The following NBDY variants were observed in gnomAD, a reference collection of about 807,000 sequenced individuals.
The protein encoded by NBDY is negative regulator of P-body association.
At chrX:56,742,257 G>T (rs1185284910) in intron 2 of NBDY, among the ~76,000 whole-genome samples, 2 of 111,575 alleles carry the variant, frequency 1.8e-5, no homozygotes, top group African/African-American at 6.5e-5. Flanking sequence ...TTGAAGTCAG[G>T]TAATATGATT....
intron 2 of NBDY, among the ~76,000 whole-genome samples, chrX:56,754,935 C>T (rs1042528508): frequency 1.8e-5 from 2 of 111,341 alleles, no homozygotes; most frequent in African/African-American, 3.3e-5. Flanking sequence ...ATTGACAAAA[C>T]GTTACCAAAT....
At position 56,754,632 on chromosome X, in the gene NBDY, G is replaced by A. The variant is rs181842643; in HGVS notation, c.*166+22433G>A. Reference sequence around the variant, plus strand: ...AAAGAAGAAATCTTAAGGGAAATTAGACAAAATTGTGAAATAAATGAAAAT... The same window carrying A: ...AAAGAAGAAATCTTAAGGGAAATTAAACAAAATTGTGAAATAAATGAAAAT... On this transcript the variant is annotated intron_variant, in intron 2 of 2. Transcript: ENST00000374922. Among the ~76,000 whole-genome samples, 5 of 111,964 alleles carry A rather than the reference G, an allele frequency of 4.5e-5. No homozygotes were observed. In the Admixed American group the frequency reaches 4.7e-4, roughly 11 times the overall value.
At chrX:56,743,966 C>G (rs908934625) in intron 2 of NBDY, among the ~76,000 whole-genome samples, 10 of 110,214 alleles carry the variant, frequency 9.1e-5, no homozygotes, top group Non-Finnish European at 1.7e-4. Context: ...AAACTTCCCT[C>G]TTAGTACTGC....
At chrX:56,752,506 T>C (rs951556225) in intron 2 of NBDY, among the ~76,000 whole-genome samples, 11 of 111,867 alleles carry the variant, frequency 9.8e-5, no homozygotes, top group Admixed American at 6.6e-4. Flanking sequence ...CTTAGAACTC[T>C]GCTGCACCCT....
At chrX:56,796,670 C>A (rs765128202) in intron 2 of NBDY, among the ~76,000 whole-genome samples, 22 of 111,269 alleles carry the variant, frequency 2.0e-4, no homozygotes, top group African/African-American at 6.5e-4. Flanking sequence ...ATCTTCCTCT[C>A]TTTTTGGGGG....
At chrX:56,784,024 C>T (rs1275778037) in intron 2 of NBDY, among the ~76,000 whole-genome samples, 1 of 111,464 alleles carries the variant, frequency 9.0e-6, no homozygotes, top group East Asian at 2.8e-4. Context: ...ATCCTCAATA[C>T]ATCCCACCCT....
At position 56,818,528 on chromosome X, in the gene NBDY, T is replaced by C. The variant is rs1008978378; in HGVS notation, c.*1375T>C. 3.6e-5 allele frequency: 4 copies of C among 112,136 alleles called. No homozygotes were observed. In the East Asian group the frequency reaches 8.3e-4, roughly 23 times the overall value. 9.2% of individuals were successfully genotyped at this position (112,136 alleles called of 1,213,427 possible). ...GAGCCAGGCTGAACATCACAAACAG[T>C]AAACACAGACTTCTTTAAAAGGACA... On this transcript the variant is annotated 3_prime_UTR_variant, in exon 3 of 3. Transcript: ENST00000374922.
chrX:56,786,789 G>A (rs1329174546), intron 2 of NBDY, among the ~76,000 whole-genome samples: 1 of 110,328 alleles, frequency 9.1e-6, no homozygotes, highest in African/African-American at 3.3e-5. Flanking sequence ...TTCTTCTTTT[G>A]CTCTTTTGTG....
chrX:56,767,486 G>A lies in NBDY; in HGVS notation c.*166+35287G>A, dbSNP rs984177449. Among the ~76,000 whole-genome samples, 3 of 113,151 alleles carry A rather than the reference G, an allele frequency of 2.7e-5. No individual in the cohort carries two copies. The Admixed American group carries it at 2.8e-4, about 10-fold the overall frequency. ...CGGCTCCCTCAGCTTGCGGGGAGGTGTGGAGGGAGAGCCGCGGGCGGTAAC... is the reference window on the plus strand; with the variant it reads ...CGGCTCCCTCAGCTTGCGGGGAGGTATGGAGGGAGAGCCGCGGGCGGTAAC... On this transcript the variant is annotated intron_variant, in intron 2 of 2. Coordinates refer to ENST00000374922, the MANE Select transcript of NBDY (RefSeq NM_001348129.2).
chrX:56,767,774 T>A (rs1346438241), intron 2 of NBDY, among the ~76,000 whole-genome samples: 1 of 104,109 alleles, frequency 9.6e-6, no homozygotes, highest in Non-Finnish European at 2.0e-5. Flanking sequence ...GGGTTGTGGT[T>A]GTACTTGGCA....
At chrX:56,789,223 G>T (rs912312041) in intron 2 of NBDY, among the ~76,000 whole-genome samples, 1 of 112,838 alleles carries the variant, frequency 8.9e-6, no homozygotes, top group African/African-American at 3.2e-5. Context: ...GTCACTTTGG[G>T]GGAACCTGCA....
intron 2 of NBDY, among the ~76,000 whole-genome samples, chrX:56,734,411 A>C (rs1470624436): frequency 1.8e-5 from 2 of 112,449 alleles, no homozygotes; most frequent in Non-Finnish European, 3.8e-5. Flanking sequence ...AACAGAACAT[A>C]GACCACTTCA....
chrX:56,741,708 AGTT>A (rs1395500138), intron 2 of NBDY, among the ~76,000 whole-genome samples: 1 of 111,072 alleles, frequency 9.0e-6, no homozygotes, highest in Non-Finnish European at 1.9e-5. Flanking sequence ...TTTCCTATTG[AGTT>A]GTTTGAGCTC....
At chrX:56,736,310 G>T (rs1253543860) in intron 2 of NBDY, among the ~76,000 whole-genome samples, 2 of 112,002 alleles carry the variant, frequency 1.8e-5, no homozygotes, top group Non-Finnish European at 3.8e-5. Flanking sequence ...TGTCGCTCAG[G>T]CTGAAGTGCA....
Position 56,799,792 on chromosome X carries a change from A to G in NBDY, c.*167-17528A>G, listed in dbSNP as rs73497130. On this transcript the variant is annotated intron_variant, in intron 2 of 2. Transcript: ENST00000374922. ...AACAAAGAAACAAAGAAACTGCCCA[A>G]GCAGCACCCACCTCATCTTCAACAG... Among the ~76,000 whole-genome samples, 466 of 112,819 alleles carry G rather than the reference A, an allele frequency of 4.1e-3. 1 individual carries two copies. Among genetic ancestry groups the G allele is most frequent in the African/African-American group, 0.015 (456 of 31,104 alleles).
intron 2 of NBDY, among the ~76,000 whole-genome samples, chrX:56,793,796 C>T (rs919232849): frequency 1.4e-4 from 15 of 110,686 alleles, no homozygotes; most frequent in Non-Finnish European, 2.5e-4. Flanking sequence ...GCAGTCAGGC[C>T]GGCTGTGAGC....
chrX:56,738,370 C>A (rs1211139993), intron 2 of NBDY, among the ~76,000 whole-genome samples: 1 of 112,027 alleles, frequency 8.9e-6, no homozygotes, highest in Non-Finnish European at 1.9e-5. Context: ...CACCGACAGG[C>A]AAGTAAACAA....
At position 56,818,343 on chromosome X, in the gene NBDY, C is replaced by T. The variant is rs1412284680; in HGVS notation, c.*1190C>T. Reference sequence around the variant, plus strand: ...TTTTACCCAATCCTCTGAAATTAGTCCCTAGCATCAGAATTAAAGAATCTG... The same window carrying T: ...TTTTACCCAATCCTCTGAAATTAGTTCCTAGCATCAGAATTAAAGAATCTG... On this transcript the variant is annotated 3_prime_UTR_variant, in exon 3 of 3. Coordinates refer to ENST00000374922, the MANE Select transcript of NBDY (RefSeq NM_001348129.2). The T allele has an allele frequency of 9.0e-6, 1 of 111,552 alleles. No individual in the cohort carries two copies. The highest frequency in any genetic ancestry group is 1.9e-5 in the Non-Finnish European group (1 of 52,986). The allele number at this position is 111,552 out of a possible 1,213,427, so 9.2% of individuals were successfully genotyped here. A position where few individuals can be genotyped will look rare whatever the true frequency, so the allele number is the denominator to read the frequency against.
chrX:56,787,541 G>A (rs2146731217), intron 2 of NBDY, among the ~76,000 whole-genome samples: 1 of 111,994 alleles, frequency 8.9e-6, no homozygotes, highest in African/African-American at 3.2e-5. Context: ...GAACATAAAT[G>A]CAGGAAGTCT....
Sources: gnomAD v4.1 joint callset for allele counts (sites outside exome capture counted in the v4.1 genomes callset) on GRCh38, gnomAD v4.1.1 for gene constraint, MANE v1.5 for transcripts, NCBI Gene and HGNC (gene_info 2026-07-23, HGNC 2026-07-21) for gene names.